Variants in IL17RD observed in about 807,000 individuals in gnomAD.
The protein encoded by IL17RD is interleukin-17 receptor D.
In IL17RD, 52 loss-of-function variants were observed where a neutral mutation model predicts 80.5. That is an observed-to-expected ratio of 0.65 (90% CI 0.52 to 0.81). The LOEUF (loss-of-function observed/expected upper bound fraction) is 0.81, where lower values mean the gene tolerates loss of function less well. Ranked by LOEUF, IL17RD falls within the 40% of genes least tolerant of loss-of-function variation. The pLI, the probability that IL17RD is intolerant of heterozygous loss-of-function variation, is 0.00. For synonymous variants in IL17RD, 416 were observed against 391.8 expected (o/e 1.06, Z -0.73); for missense variants, 1,024 against 955.1 (o/e 1.07, Z -0.95).
chr3:57,092,789 C>T lies in IL17RD; in HGVS notation c.*3604G>A, dbSNP rs1404981197. 6.6e-6 allele frequency: 1 copy of T among 152,172 alleles called. No homozygotes were observed. The highest frequency in any genetic ancestry group is 2.4e-5 in the African/African-American group (1 of 41,426). The allele number at this position is 152,172 out of a possible 1,614,324, so 9.4% of individuals were successfully genotyped here. Reference sequence around the variant, plus strand: ...GAGAAAGAAGCAATCTAACTACTGGCTGCATTTAGCAAGAGCATTTTCTGG... The same window carrying T: ...GAGAAAGAAGCAATCTAACTACTGGTTGCATTTAGCAAGAGCATTTTCTGG... On this transcript the variant is annotated 3_prime_UTR_variant, in exon 13 of 13. Transcript: ENST00000296318.
chr3:57,106,155 C>A lies in IL17RD; in HGVS notation c.551-1G>T, dbSNP rs1434683399. ...TCCGGCTGTAACAACAGGTCACAGGCTATTAAGAGAATAAAGATACATGTT... is the reference window on the plus strand; with the variant it reads ...TCCGGCTGTAACAACAGGTCACAGGATATTAAGAGAATAAAGATACATGTT... On this transcript the variant is annotated splice_acceptor_variant, in intron 5 of 12. Coordinates refer to ENST00000296318, the MANE Select transcript of IL17RD (RefSeq NM_017563.5). LOFTEE classifies it high-confidence loss of function. 6.2e-7 allele frequency: 1 copy of A among 1,608,544 alleles called. No homozygotes were observed. Among genetic ancestry groups the A allele is most frequent in the Non-Finnish European group, 8.5e-7 (1 of 1,176,120 alleles).
intron 11 of IL17RD, among the ~76,000 whole-genome samples, chr3:57,100,923 G>T (rs572127929): frequency 6.6e-6 from 1 of 152,282 alleles, no homozygotes; most frequent in South Asian, 2.1e-4. Context: ...AAAACTTCCT[G>T]CCAGGTGGGT....
chr3:57,127,291 TATAA>T (rs1328342951), intron 1 of IL17RD, among the ~76,000 whole-genome samples: 10 of 101,800 alleles, frequency 9.8e-5, no homozygotes, highest in African/African-American at 4.2e-4. Context: ...TATAAATATA[TATAA>T]ATATATATAA....
Position 57,097,969 on chromosome 3 carries a change from G to T in IL17RD, c.1734C>A (p.Val578=). ...HPPPLRYREP[V]LEKFDSGLVL... Reference sequence around the variant, plus strand: ...CCAAGCCCGAATCAAATTTCTCCAAGACTGGCTCCCGGTAGCGCAGTGGAG... The same window carrying T: ...CCAAGCCCGAATCAAATTTCTCCAATACTGGCTCCCGGTAGCGCAGTGGAG... The change falls in exon 12 of 13, where the codon GTC becomes GTA. Residue 578 remains valine (V), a synonymous_variant. Transcript: ENST00000296318. 1 of 1,614,040 alleles carries T rather than the reference G, an allele frequency of 6.2e-7. No homozygotes were observed. The highest frequency in any genetic ancestry group is 8.5e-7 in the Non-Finnish European group (1 of 1,179,894).
intron 1 of IL17RD, among the ~76,000 whole-genome samples, chr3:57,144,114 G>A (rs1707881896): frequency 6.6e-6 from 1 of 152,190 alleles, no homozygotes; most frequent in African/African-American, 2.4e-5. Context: ...GCTGCAGGTG[G>A]AGGCACTGGT....
upstream of IL17RD, among the ~76,000 whole-genome samples, chr3:57,168,361 GA>G (rs923262002): frequency 6.6e-6 from 1 of 152,184 alleles, no homozygotes; most frequent in Admixed American, 6.5e-5. Context: ...GCTCACTGCA[GA>G]ATCTGGCAAC....
intron 1 of IL17RD, among the ~76,000 whole-genome samples, chr3:57,149,311 A>C (rs978910713): frequency 6.6e-6 from 1 of 151,940 alleles, no homozygotes; most frequent in Non-Finnish European, 1.5e-5. Context: ...AAAAAAAAAA[A>C]AGCCGATTCC....
At chr3:57,157,071 G>T (rs1441788720) in intron 1 of IL17RD, among the ~76,000 whole-genome samples, 1 of 152,216 alleles carries the variant, frequency 6.6e-6, no homozygotes, top group Admixed American at 6.5e-5. Context: ...AAGCTAGAGA[G>T]TGGTATGGAG....
chr3:57,129,246 T>C (rs1452525450), intron 1 of IL17RD, among the ~76,000 whole-genome samples: 1 of 151,908 alleles, frequency 6.6e-6, no homozygotes, highest in Non-Finnish European at 1.5e-5. Flanking sequence ...ACCCAGCAAA[T>C]CGGCTACTGA....
At chr3:57,146,022 C>T in intron 1 of IL17RD, among the ~76,000 whole-genome samples, 1 of 141,278 alleles carries the variant, frequency 7.1e-6, no homozygotes, top group East Asian at 2.2e-4. Context: ...TGCGCGCACA[C>T]ACACACTCAC....
intron 5 of IL17RD, among the ~76,000 whole-genome samples, chr3:57,108,073 T>A (rs1292454965): frequency 6.6e-6 from 1 of 151,380 alleles, no homozygotes; most frequent in Admixed American, 6.6e-5. Context: ...TTTTTTTTTC[T>A]TTTTGAGATG....
intron 1 of IL17RD, among the ~76,000 whole-genome samples, chr3:57,127,241 A>C (rs867385101): frequency 1.0e-5 from 1 of 97,880 alleles, no homozygotes; most frequent in East Asian, 3.3e-4. Context: ...AAAATATATA[A>C]ATATATATAT....
At position 57,098,049 on chromosome 3, in the gene IL17RD, A is replaced by G. The variant is rs776361748; in HGVS notation, c.1654T>C (p.Phe552Leu). 3 of 1,613,784 alleles carry G rather than the reference A, an allele frequency of 1.9e-6. No homozygotes were observed. The highest frequency in any genetic ancestry group is 3.3e-5 in the Admixed American group (2 of 60,004). The change falls in exon 12 of 13, where the codon TTT becomes CTT. Residue 552 changes from phenylalanine to leucine, a missense_variant. Physicochemically the swap from Phe to Leu is conservative, Grantham distance 22. Transcript: ENST00000296318. ...LYVAICNMHQFIDEEPDWFEK... is the reference protein window; with the variant it reads ...LYVAICNMHQLIDEEPDWFEK... The stretch of plus-strand genomic sequence containing the variant: ...AACCAGTCGGGCTCCTCGTCAATAA[A>G]CTGGTGCATGTTGCAAATGGCGACG...
At chr3:57,109,725 T>TACCCAC (rs1707051551) in intron 4 of IL17RD, 68 bp from the exon 5 acceptor site, 8 of 1,512,304 alleles carry the variant, frequency 5.3e-6, no homozygotes, top group Non-Finnish European at 7.2e-6. Context: ...CATAAGGTCT[T>TACCCAC]CGCTCCTACC....
At chr3:57,157,247 C>G (rs376348553) in intron 1 of IL17RD, among the ~76,000 whole-genome samples, 1 of 152,142 alleles carries the variant, frequency 6.6e-6, no homozygotes, top group East Asian at 1.9e-4. Flanking sequence ...CTGCTTTTCA[C>G]GGGGGCAGTT....
chr3:57,101,097 A>C, intron 11 of IL17RD, 82 bp downstream of exon 11: 14 of 1,148,756 alleles, frequency 1.2e-5, no homozygotes, highest in Non-Finnish European at 1.6e-5. Context: ...CAGGAGGCCC[A>C]GAAGAGAGGA....
rs2060337429 is a variant in IL17RD, at chr3:57,165,037, A to G, written c.126+124T>C. ...AGGATGCGCGGGAGGAGTGAGACCC[A>G]GGCCGGCCGCGGACCCCGCGAAGAG... is the stretch of plus-strand genomic sequence containing the variant. On this transcript the variant is annotated intron_variant, in intron 1 of 12. Coordinates refer to ENST00000296318, the MANE Select transcript of IL17RD (RefSeq NM_017563.5). 6 of 1,355,758 alleles carry G rather than the reference A, an allele frequency of 4.4e-6. No homozygotes were observed. In the South Asian group the frequency reaches 1.0e-4, roughly 24 times the overall value. The allele number at this position is 1,355,758 out of a possible 1,614,324, so 84.0% of individuals were successfully genotyped here.
intron 1 of IL17RD, among the ~76,000 whole-genome samples, chr3:57,141,548 G>A (rs2107526576): frequency 6.6e-6 from 1 of 152,222 alleles, no homozygotes; most frequent in Admixed American, 6.5e-5. Flanking sequence ...AGAACAACTA[G>A]TGATTATTAA....
At position 57,115,955 on chromosome 3, in the gene IL17RD, A is replaced by G. The variant is rs148715742; in HGVS notation, c.185-1138T>C. On this transcript the variant is annotated intron_variant, in intron 2 of 12. Transcript: ENST00000296318. Reference sequence around the variant, plus strand: ...ACATTTCCCATTTTTATGACTAAAAATGTTCATTGCAGACATTGAAAAACC... The same window carrying G: ...ACATTTCCCATTTTTATGACTAAAAGTGTTCATTGCAGACATTGAAAAACC... Among the ~76,000 whole-genome samples, 302 of 152,318 alleles carry G rather than the reference A, an allele frequency of 2.0e-3. 1 individual carries two copies. Among genetic ancestry groups the G allele is most frequent in the African/African-American group, 6.9e-3 (286 of 41,576 alleles).
Sources: gnomAD v4.1 joint callset for allele counts (sites outside exome capture counted in the v4.1 genomes callset) on GRCh38, gnomAD v4.1.1 for gene constraint, MANE v1.5 for transcripts, NCBI Gene and HGNC (gene_info 2026-07-23, HGNC 2026-07-21) for gene names.